The following SCN9A variants were observed in gnomAD, a reference collection of about 807,000 sequenced individuals.
SCN9A encodes sodium channel protein type 9 subunit alpha.
Under a neutral mutation model 187.0 loss-of-function variants are expected in SCN9A, and 131 were observed. The observed-to-expected ratio is 0.70, with a 90% CI of 0.61 to 0.81. The LOEUF is 0.81. SCN9A is among the 30% of genes least tolerant of loss of function. The pLI, the probability that SCN9A is intolerant of heterozygous loss-of-function variation, is 0.00. For missense variants in SCN9A, 2,252 were observed against 2,396.6 expected, an observed-to-expected ratio of 0.94 and a Z score of 1.26; for synonymous variants, 809 against 808.6, an observed-to-expected ratio of 1.00 and a Z score of -0.01.
At chr2:166,222,351 C>A (rs923425699) in intron 24 of SCN9A, among the ~76,000 whole-genome samples, 4 of 152,162 alleles carry the variant, frequency 2.6e-5, no homozygotes, top group African/African-American at 9.7e-5. Flanking sequence ...TAATGAGGGC[C>A]AGGTGCAGTG....
Position 166,198,643 on chromosome 2 carries a change from G to T in SCN9A, c.*29C>A, listed in dbSNP as rs1381951453. ...TAACACAAATAAATCACTTTCACAG[G>T]CTGTAAACAATATATCAAAAATGAA... On this transcript the variant is annotated 3_prime_UTR_variant, in exon 27 of 27. Transcript: ENST00000642356. 6.8e-7 allele frequency: 1 copy of T among 1,463,292 alleles called. No individual in the cohort carries two copies. The highest frequency in any genetic ancestry group is 9.3e-7 in the Non-Finnish European group (1 of 1,075,100). 90.6% of individuals were successfully genotyped at this position (1,463,292 alleles called of 1,614,324 possible). A position where few individuals can be genotyped will look rare whatever the true frequency, so the allele number is the denominator to read the frequency against.
At chr2:166,223,700 T>C (rs1409594749) in intron 24 of SCN9A, among the ~76,000 whole-genome samples, 4 of 152,204 alleles carry the variant, frequency 2.6e-5, no homozygotes, top group Non-Finnish European at 5.9e-5. Flanking sequence ...TACTTAAAAA[T>C]TTTGTTAAGC....
chr2:166,266,550 T>C (rs1408899239), intron 17 of SCN9A, among the ~76,000 whole-genome samples: 1 of 149,482 alleles, frequency 6.7e-6, no homozygotes, highest in African/African-American at 2.5e-5. Context: ...TTAGGGTCTT[T>C]TGTGGTTTCA....
chr2:166,355,282 A>G (rs1257652171), intron 1 of SCN9A, among the ~76,000 whole-genome samples: 2 of 152,096 alleles, frequency 1.3e-5, no homozygotes, highest in East Asian at 3.8e-4. Context: ...ATGTTTCCAG[A>G]AAGGCTATAA....
intron 1 of SCN9A, 52 bp downstream of exon 1, chr2:166,375,645 C>T (rs1272632675): frequency 6.6e-6 from 1 of 152,374 alleles, no homozygotes; most frequent in African/African-American, 2.4e-5. Context: ...GGCGAAAGAC[C>T]GAGGGCTTCT....
chr2:166,334,796 A>T (rs976843661), intron 1 of SCN9A, among the ~76,000 whole-genome samples: 2 of 152,168 alleles, frequency 1.3e-5, no homozygotes, highest in African/African-American at 4.8e-5. Context: ...TTTGCATTAA[A>T]AAATACTTGT....
At chr2:166,267,245 G>A (rs1210879645) in intron 17 of SCN9A, among the ~76,000 whole-genome samples, 1 of 151,766 alleles carries the variant, frequency 6.6e-6, no homozygotes, top group Non-Finnish European at 1.5e-5. Flanking sequence ...TTAATTTGTT[G>A]ATAATTTTTA....
Position 166,268,665 on chromosome 2 carries a change from G to T in SCN9A, c.3351+3734C>A, listed in dbSNP as rs570779595. Among the ~76,000 whole-genome samples, 5 of 152,062 alleles carry T rather than the reference G, an allele frequency of 3.3e-5. No individual in the cohort carries two copies. In the South Asian group the frequency reaches 1.0e-3, roughly 32 times the overall value. ...CATTTTAATCTGAAGAGGCTGGAAA[G>T]AAAGACCTTAGATGTAAGGTTTTTA... On this transcript the variant is annotated intron_variant, in intron 17 of 26. Transcript: ENST00000642356.
rs967310742 is a variant in SCN9A, at chr2:166,198,516, G to T, written c.*156C>A. ...AGTGCAAAAATAACCATCTGCTAAT[G>T]CTGCCCACCTTTCTTAGGAAATCAG... is the stretch of plus-strand genomic sequence containing the variant. On this transcript the variant is annotated 3_prime_UTR_variant, in exon 27 of 27. Coordinates refer to ENST00000642356, the MANE Select transcript of SCN9A (RefSeq NM_001365536.1). The T allele has an allele frequency of 6.6e-6, 4 of 605,596 alleles. No individual in the cohort carries two copies. Among genetic ancestry groups the T allele is most frequent in the Non-Finnish European group, 8.6e-6 (3 of 347,838 alleles). 37.5% of individuals were successfully genotyped at this position (605,596 alleles called of 1,614,324 possible). A position where few individuals can be genotyped will look rare whatever the true frequency, so the allele number is the denominator to read the frequency against.
In SCN9A at chr2:166,321,812, T is replaced by G. The variant is rs113603623; in HGVS notation, c.-50-10006A>C. On this transcript the variant is annotated intron_variant, in intron 1 of 26. Coordinates refer to ENST00000642356, the MANE Select transcript of SCN9A (RefSeq NM_001365536.1). Reference sequence around the variant, plus strand: ...CAAAATCTTTTTTTTTTTTTTTTTTTGGTAACTCTTATTCTCTCCAAGTTC... The same window carrying G: ...CAAAATCTTTTTTTTTTTTTTTTTTGGGTAACTCTTATTCTCTCCAAGTTC... Among the ~76,000 whole-genome samples the G allele has an allele frequency of 9.8e-3, 1,098 of 112,376 alleles. 10 individuals are homozygous for G. Among genetic ancestry groups the G allele is most frequent in the African/African-American group, 0.036 (995 of 27,288 alleles). The allele number at this position is 112,376 out of a possible 152,430, so 73.7% of individuals were successfully genotyped here. A position where few individuals can be genotyped will look rare whatever the true frequency, so the allele number is the denominator to read the frequency against.
chr2:166,297,997 C>T (rs370206509), intron 7 of SCN9A, among the ~76,000 whole-genome samples: 1 of 152,050 alleles, frequency 6.6e-6, no homozygotes, highest in East Asian at 1.9e-4. Context: ...TAATTCTGCC[C>T]TTGCTCAGAA....
At chr2:166,215,026 T>C (rs528713907) in intron 24 of SCN9A, among the ~76,000 whole-genome samples, 2 of 152,266 alleles carry the variant, frequency 1.3e-5, no homozygotes, top group East Asian at 3.9e-4. Flanking sequence ...TGAAACACTC[T>C]CCAGGATAGA....
chr2:166,199,979 T>A, intron 26 of SCN9A, 115 bp from the exon 27 acceptor site: 1 of 224,660 alleles, frequency 4.5e-6, no homozygotes, highest in Non-Finnish European at 6.7e-6. Flanking sequence ...AAGACAGTTT[T>A]TTTTTTTTTT....
intron 1 of SCN9A, among the ~76,000 whole-genome samples, chr2:166,360,612 A>C (rs1004478087): frequency 1.3e-5 from 2 of 152,222 alleles, no homozygotes; most frequent in Non-Finnish European, 2.9e-5. Context: ...GGCACCAGGC[A>C]GACTTAGGTT....
rs1274200571 is a variant in SCN9A, at chr2:166,226,592, T to C, written c.4373A>G (p.Asp1458Gly). ...CTTCTTTTTCTGTTGGTTGAAATTA[T>C]CTATGATGACACCAATGAACAAGTT... ...TLNLFIGVII[D>G]NFNQQKKKLG... The change falls in exon 24 of 27, where the codon GAT (aspartate) becomes GGT (glycine). Residue 1458 changes from aspartate (D) to glycine (G), a missense_variant. Physicochemically the swap from Asp to Gly is moderately conservative, Grantham distance 94. Around this residue, in one of 7 missense-constraint regions of SCN9A, gnomAD observed 368 missense variants for 408.6 expected, o/e 0.90. Coordinates refer to ENST00000642356, the MANE Select transcript of SCN9A (RefSeq NM_001365536.1). The C allele has an allele frequency of 5.1e-6, 8 of 1,574,840 alleles. No homozygotes were observed. The highest frequency in any genetic ancestry group is 6.9e-6 in the Non-Finnish European group (8 of 1,158,340).
chr2:166,304,059 T>C, intron 6 of SCN9A, 179 bp downstream of exon 6: 1 of 1,613,470 alleles, frequency 6.2e-7, no homozygotes. Context: ...TTTTCAATGC[T>C]CGGAGAACTC....
At chr2:166,371,613 A>G (rs1286704174) in intron 1 of SCN9A, among the ~76,000 whole-genome samples, 2 of 152,214 alleles carry the variant, frequency 1.3e-5, no homozygotes, top group Admixed American at 1.3e-4. Context: ...TGCTCTCATA[A>G]ATCCTCATAT....
chr2:166,258,518 A>G (rs1696374322), intron 17 of SCN9A, among the ~76,000 whole-genome samples: 3 of 151,580 alleles, frequency 2.0e-5, no homozygotes, highest in Admixed American at 1.3e-4. Context: ...AGGAGCAAAT[A>G]AAATCAAATG....
chr2:166,199,639 G>C lies in SCN9A; in HGVS notation c.5000C>G (p.Ala1667Gly), dbSNP rs1693384193. Residue 1667 changes from alanine to glycine, a missense_variant, in exon 27 of 27, where the codon GCC becomes GGC. Coordinates refer to ENST00000642356, the MANE Select transcript of SCN9A (RefSeq NM_001365536.1). ...IYAIFGMSNFAYVKKEDGIND... is the reference protein window; with the variant it reads ...IYAIFGMSNFGYVKKEDGIND... The stretch of plus-strand genomic sequence containing the variant: ...AATTCCATCTTCCTTTTTAACATAG[G>C]CAAAGTTGGACATTCCAAAGATGGC... 6.2e-7 allele frequency: 1 copy of C among 1,614,016 alleles called. No homozygotes were observed. The highest frequency in any genetic ancestry group is 1.1e-5 in the South Asian group (1 of 91,082).
Sources: allele counts gnomAD v4.1 joint callset (sites outside exome capture counted in the v4.1 genomes callset), GRCh38; gene constraint gnomAD v4.1.1; regional missense constraint gnomAD v4.1.1; transcripts MANE v1.5; gene names NCBI Gene and HGNC (gene_info 2026-07-23, HGNC 2026-07-21).